The following CELF5 variants were observed in gnomAD, a reference collection of about 807,000 sequenced individuals.
The protein encoded by CELF5 is CUG-BP and ETR-3 like factor 5.
In CELF5, 6 loss-of-function variants were observed where a neutral mutation model predicts 54.9. That is an observed-to-expected ratio of 0.11 (90% CI 0.06 to 0.22). The LOEUF is 0.22. Ranked by LOEUF, CELF5 falls within the 10% of genes least tolerant of loss-of-function variation. The pLI, the probability that CELF5 is intolerant of heterozygous loss-of-function variation, is 1.00. For synonymous variants in CELF5, 271 were observed against 290.9 expected (o/e 0.93, Z 0.70); for missense variants, 401 against 678.6 (o/e 0.59, Z 4.54).
At chr19:3,233,084 A>T (rs766299501) in intron 1 of CELF5, among the ~76,000 whole-genome samples, 18 of 149,942 alleles carry the variant, frequency 1.2e-4, no homozygotes, top group East Asian at 3.9e-4. Context: ...CAAAAAAAAT[A>T]AAAATTAAAA....
chr19:3,225,023 T>A, intron 1 of CELF5, 25 bp downstream of exon 1: 1 of 972,976 alleles, frequency 1.0e-6, no homozygotes, highest in Non-Finnish European at 1.3e-6. Context: ...CCCTCCCCCC[T>A]CTCCCCCTCC....
Position 3,293,302 on chromosome 19 carries a change from C to T in CELF5, c.1331-17C>T, listed in dbSNP as rs1331106013. 2.5e-6 allele frequency: 4 copies of T among 1,613,698 alleles called. No homozygotes were observed. The highest frequency in any genetic ancestry group is 2.7e-5 in the African/African-American group (2 of 74,932). ...ACCCGCAGCGCCAACCACGGAGGTC[C>T]ACCCTGGTTTCTGCAGGCTTCGTGA... On this transcript the variant is annotated splice_polypyrimidine_tract_variant and intron_variant, in intron 11 of 12. Transcript: ENST00000292672.
At chr19:3,263,622 C>T (rs771662457) in intron 2 of CELF5, among the ~76,000 whole-genome samples, 4 of 150,200 alleles carry the variant, frequency 2.7e-5, no homozygotes, top group Non-Finnish European at 5.9e-5. Flanking sequence ...GTACTACACA[C>T]GGCCGGGCAC....
At chr19:3,260,446 T>C (rs1329339905) in intron 2 of CELF5, among the ~76,000 whole-genome samples, 1 of 151,556 alleles carries the variant, frequency 6.6e-6, no homozygotes, top group East Asian at 2.0e-4. Context: ...TAAATATATG[T>C]ATGTATTTTA....
intron 2 of CELF5, among the ~76,000 whole-genome samples, chr19:3,257,687 G>A (rs145300492): frequency 0.015 from 2,224 of 151,750 alleles, 32 homozygotes; most frequent in Middle Eastern, 0.065. Context: ...TGTTGGTCAG[G>A]CTGGTCTCGA....
intron 2 of CELF5, among the ~76,000 whole-genome samples, chr19:3,262,677 GC>G (rs2079821493): frequency 6.6e-6 from 1 of 152,100 alleles, no homozygotes; most frequent in South Asian, 2.1e-4. Context: ...AGGGCCGGGC[GC>G]AGTGGCTCAC....
intron 1 of CELF5, among the ~76,000 whole-genome samples, chr19:3,245,405 T>TGTGTGTG (rs908722135): frequency 2.0e-5 from 3 of 150,960 alleles, no homozygotes; most frequent in African/African-American, 4.9e-5. Flanking sequence ...TGTGTGCGTG[T>TGTGTGTG]GTGTGTGGTG....
In CELF5 at chr19:3,275,752, C is replaced by T. The variant is rs2080037950; in HGVS notation, c.395-104C>T. 10 of 1,277,042 alleles carry T rather than the reference C, an allele frequency of 7.8e-6. No homozygotes were observed. The highest frequency in any genetic ancestry group is 1.0e-5 in the Non-Finnish European group (10 of 953,750). The allele number at this position is 1,277,042 out of a possible 1,614,324, so 79.1% of individuals were successfully genotyped here. ...CGGAGCCGGCAGGGCCCGGGCGCCG[C>T]GTCTTCCTGCCCTGCCGCCTCCACT... On this transcript the variant is annotated intron_variant, in intron 3 of 12. Coordinates refer to ENST00000292672, the MANE Select transcript of CELF5 (RefSeq NM_021938.4). The surrounding 1 kb of genome is among the most constrained non-coding windows in gnomAD (Gnocchi z 6.7).
chr19:3,234,493 G>C (rs969524002), intron 1 of CELF5, among the ~76,000 whole-genome samples: 1 of 152,104 alleles, frequency 6.6e-6, no homozygotes, highest in Admixed American at 6.6e-5. Flanking sequence ...CTGGCTGCGA[G>C]TGGTGTCGAG....
chr19:3,285,754 T>G (rs1450607664), intron 9 of CELF5, among the ~76,000 whole-genome samples, 188 bp from the exon 10 acceptor site: 2 of 119,474 alleles, frequency 1.7e-5, no homozygotes, highest in Non-Finnish European at 3.5e-5. Flanking sequence ...CCCCGTTTCG[T>G]CTGTGATCTT....
intron 11 of CELF5, 106 bp downstream of exon 11, chr19:3,290,480 A>G (rs2080325209): frequency 1.6e-6 from 2 of 1,265,068 alleles, no homozygotes; most frequent in Admixed American, 1.8e-5. Context: ...GTGCTGAAAT[A>G]ATCACAATCA....
Position 3,281,282 on chromosome 19 carries a change from G to C in CELF5, c.687G>C (p.Gln229His), listed in dbSNP as rs2080146668. ...TLRRMQQMVG[Q>H]LGILTPSLTL... ...GGCGCATGCAGCAGATGGTGGGCCA[G>C]CTGGGCATCCTGACGCCGTCCCTCA... The change falls in exon 6 of 13, where the codon CAG (glutamine) becomes CAC (histidine). Residue 229 changes from glutamine to histidine, a missense_variant. Around this residue, in one of 6 missense-constraint regions of CELF5, gnomAD observed 87 missense variants for 190.2 expected, o/e 0.46. Coordinates refer to ENST00000292672, the MANE Select transcript of CELF5 (RefSeq NM_021938.4). This position sits in a 1 kb window ranked among gnomAD's most constrained non-coding sequence, Gnocchi z 6.5. 1 of 1,611,756 alleles carries C rather than the reference G, an allele frequency of 6.2e-7. No homozygotes were observed. Among genetic ancestry groups the C allele is most frequent in the African/African-American group, 1.3e-5 (1 of 74,952 alleles).
intron 10 of CELF5, chr19:3,286,811 G>T (rs2080256956): frequency 6.6e-6 from 1 of 150,562 alleles, no homozygotes. Context: ...GAGGCGGGCG[G>T]ATCACAAGGT....
intron 2 of CELF5, among the ~76,000 whole-genome samples, chr19:3,256,538 T>C (rs1218720963): frequency 3.3e-4 from 4 of 12,124 alleles, no homozygotes; most frequent in African/African-American, 2.2e-3. Context: ...GTTTCATTTA[T>C]TATTATTATT....
At chr19:3,238,681 C>A in intron 1 of CELF5, among the ~76,000 whole-genome samples, 1 of 152,158 alleles carries the variant, frequency 6.6e-6, no homozygotes, top group Admixed American at 6.5e-5. Flanking sequence ...CCTGTAATCC[C>A]AGCACTTTGG....
intron 2 of CELF5, among the ~76,000 whole-genome samples, chr19:3,272,660 G>A (rs2079986054): frequency 6.6e-6 from 1 of 152,200 alleles, no homozygotes; most frequent in Non-Finnish European, 1.5e-5. Flanking sequence ...CCCATGTGGG[G>A]AGATGCCGTG....
chr19:3,273,400 C>G (rs757857334), intron 2 of CELF5, among the ~76,000 whole-genome samples: 1 of 151,916 alleles, frequency 6.6e-6, no homozygotes, highest in East Asian at 1.9e-4. Context: ...CTGGGCCTAT[C>G]CACCTGGCAG....
intron 9 of CELF5, among the ~76,000 whole-genome samples, chr19:3,285,348 A>AGGCAATAGCCC (rs2080222632): frequency 2.2e-5 from 2 of 90,566 alleles, no homozygotes; most frequent in East Asian, 3.0e-4. Flanking sequence ...CCCGCCCCTC[A>AGGCAATAGCCC]CTTCCTGCCT....
intron 2 of CELF5, among the ~76,000 whole-genome samples, chr19:3,264,085 A>G (rs1262210756): frequency 6.6e-6 from 1 of 152,024 alleles, no homozygotes; most frequent in East Asian, 1.9e-4. Flanking sequence ...AGGAGCCACT[A>G]TCTGGTTGTC....
Sources: gnomAD v4.1 joint callset for allele counts (sites outside exome capture counted in the v4.1 genomes callset) on GRCh38, gnomAD v4.1.1 for gene constraint, gnomAD v4.1.1 regional missense constraint, Gnocchi (gnomAD v3.1) non-coding constraint, MANE v1.5 for transcripts, NCBI Gene and HGNC (gene_info 2026-07-23, HGNC 2026-07-21) for gene names.